BRINP3: variants seen among roughly 807,000 people sequenced by gnomAD.
BRINP3 encodes the protein BMP/retinoic acid inducible neural specific 3.
In BRINP3, 19 loss-of-function variants were observed where a neutral mutation model predicts 71.0. That is an observed-to-expected ratio of 0.27 (90% confidence interval 0.19 to 0.39). BRINP3 has a LOEUF of 0.39. BRINP3 is among the 10% of genes least tolerant of loss of function. The pLI is 1.00. For synonymous variants in BRINP3, 380 were observed against 337.7 expected, an observed-to-expected ratio of 1.13 and a Z score of -1.37; for missense variants, 959 against 940.8, an observed-to-expected ratio of 1.02 and a Z score of -0.25.
At chr1:190,415,327 A>C (rs1672944183) in intron 2 of BRINP3, among the ~76,000 whole-genome samples, 2 of 152,210 alleles carry the variant, frequency 1.3e-5, no homozygotes, top group South Asian at 4.1e-4. Context: ...CTATATGTTG[A>C]AGAAGCATGA....
At chr1:190,463,203 A>T (rs2102670926) in intron 1 of BRINP3, among the ~76,000 whole-genome samples, 1 of 151,968 alleles carries the variant, frequency 6.6e-6, no homozygotes, top group Non-Finnish European at 1.5e-5. Context: ...ACTAAAAATA[A>T]GACAATTCAA....
intron 6 of BRINP3, among the ~76,000 whole-genome samples, chr1:190,206,461 A>G (rs1655508971): frequency 6.6e-6 from 1 of 151,952 alleles, no homozygotes. Flanking sequence ...TTTAAGAAGT[A>G]AAGTGCAGCA....
At chr1:190,466,039 T>C (rs1558311608) in intron 1 of BRINP3, among the ~76,000 whole-genome samples, 1 of 151,866 alleles carries the variant, frequency 6.6e-6, no homozygotes, top group Non-Finnish European at 1.5e-5. Context: ...ATGCTTTTTG[T>C]TATTAAAAGA....
intron 7 of BRINP3, among the ~76,000 whole-genome samples, chr1:190,119,679 T>G (rs1653466912): frequency 6.6e-6 from 1 of 152,236 alleles, no homozygotes; most frequent in Non-Finnish European, 1.5e-5. Flanking sequence ...AGTGAACTGT[T>G]AAGGCATTTT....
chr1:190,329,445 C>CA (rs931645241), intron 2 of BRINP3, among the ~76,000 whole-genome samples: 54 of 149,514 alleles, frequency 3.6e-4, no homozygotes, highest in African/African-American at 1.0e-3. Context: ...TGCACACACA[C>CA]AAAAAAAAAA....
chr1:190,236,942 T>C (rs1160677468), intron 4 of BRINP3, among the ~76,000 whole-genome samples: 4 of 152,024 alleles, frequency 2.6e-5, no homozygotes, highest in South Asian at 2.1e-4. Context: ...ATTAAGCTCA[T>C]ACTCATTGAC....
intron 7 of BRINP3, among the ~76,000 whole-genome samples, chr1:190,126,676 C>T (rs554862909): frequency 6.6e-6 from 1 of 151,938 alleles, no homozygotes; most frequent in Non-Finnish European, 1.5e-5. Flanking sequence ...CAAATTTTGC[C>T]TCTTCAGGGA....
chr1:190,141,181 C>T (rs189243915), intron 7 of BRINP3, among the ~76,000 whole-genome samples: 121 of 152,080 alleles, frequency 8.0e-4, no homozygotes, highest in Middle Eastern at 6.8e-3. Context: ...ATTTATTTTA[C>T]TAATGAAAAT....
chr1:190,306,813 G>C lies in BRINP3; in HGVS notation c.237-25063C>G, dbSNP rs925660899. 2.6e-5 allele frequency among the ~76,000 whole-genome samples: 4 copies of C among 151,760 alleles called. No individual in the cohort carries two copies. The East Asian group carries it at 7.7e-4, about 29-fold the overall frequency. Reference sequence around the variant, plus strand: ...GGTTATATAAATGTAACATCTCAAAGGTAGATGGAGTAATTCTTATGCATA... The same window carrying C: ...GGTTATATAAATGTAACATCTCAAACGTAGATGGAGTAATTCTTATGCATA... On this transcript the variant is annotated intron_variant, in intron 2 of 7. Transcript: ENST00000367462.
At chr1:190,186,398 A>T (rs1469537308) in intron 6 of BRINP3, among the ~76,000 whole-genome samples, 1 of 152,146 alleles carries the variant, frequency 6.6e-6, no homozygotes, top group Non-Finnish European at 1.5e-5. Context: ...CAAACAAAAA[A>T]GTAAAATTAG....
chr1:190,282,699 A>T (rs1315776214), intron 2 of BRINP3, among the ~76,000 whole-genome samples: 1 of 152,034 alleles, frequency 6.6e-6, no homozygotes, highest in Non-Finnish European at 1.5e-5. Flanking sequence ...AGATTCATCT[A>T]CTGATGAGAC....
At chr1:190,426,812 T>C (rs904138310) in intron 2 of BRINP3, among the ~76,000 whole-genome samples, 9 of 151,882 alleles carry the variant, frequency 5.9e-5, no homozygotes, top group African/African-American at 2.2e-4. Context: ...GTATTATAAT[T>C]TTGAATTCTG....
chr1:190,366,304 G>C (rs1328700098), intron 2 of BRINP3, among the ~76,000 whole-genome samples: 1 of 152,136 alleles, frequency 6.6e-6, no homozygotes, highest in East Asian at 1.9e-4. Flanking sequence ...GCAAAGAGAA[G>C]TGCTGAGCAA....
chr1:190,466,858 A>G (rs1245590679), intron 1 of BRINP3, among the ~76,000 whole-genome samples: 1 of 151,470 alleles, frequency 6.6e-6, no homozygotes, highest in Non-Finnish European at 1.5e-5. Context: ...TAAATAAAAC[A>G]CTCGTAATGT....
chr1:190,475,469 C>CG (rs1558319931), intron 1 of BRINP3, among the ~76,000 whole-genome samples: 1 of 152,142 alleles, frequency 6.6e-6, no homozygotes, highest in African/African-American at 2.4e-5. Context: ...ACCAAGCACA[C>CG]GTTCGCTGCA....
At chr1:190,155,299 T>C (rs552632009) in intron 7 of BRINP3, among the ~76,000 whole-genome samples, 6 of 152,232 alleles carry the variant, frequency 3.9e-5, no homozygotes, top group Non-Finnish European at 8.8e-5. Flanking sequence ...TATTCAATTG[T>C]TTTAATTGCT....
intron 7 of BRINP3, among the ~76,000 whole-genome samples, chr1:190,157,029 T>C (rs915073493): frequency 6.6e-6 from 1 of 151,938 alleles, no homozygotes; most frequent in African/African-American, 2.4e-5. Context: ...GCAGTTTCTG[T>C]TTTTTCACTC....
chr1:190,165,416 T>G (rs557969449), intron 6 of BRINP3, among the ~76,000 whole-genome samples: 26 of 146,636 alleles, frequency 1.8e-4, no homozygotes, highest in African/African-American at 6.3e-4. Context: ...CATGAACACA[T>G]AGCAAGTATG....
chr1:190,205,016 C>T (rs1396670076), intron 6 of BRINP3, among the ~76,000 whole-genome samples: 2 of 150,906 alleles, frequency 1.3e-5, no homozygotes, highest in East Asian at 2.0e-4. Context: ...TCAGCCCGGA[C>T]GATGTATGTA....
Sources: allele counts gnomAD v4.1 joint callset (sites outside exome capture counted in the v4.1 genomes callset), GRCh38; gene constraint gnomAD v4.1.1; transcripts MANE v1.5; gene names NCBI Gene and HGNC (gene_info 2026-07-23, HGNC 2026-07-21).